SPTLC3: variants seen among roughly 807,000 people sequenced by gnomAD.
SPTLC3 encodes serine palmitoyltransferase 3.
SPTLC3 carries 36 observed loss-of-function variants against 59.3 expected under a neutral mutation model. That is an observed-to-expected ratio of 0.61 (90% CI 0.47 to 0.80). The LOEUF is 0.80. Among genes scored for constraint, SPTLC3 ranks in the 30% least tolerant of loss-of-function variants. The probability of loss-of-function intolerance (pLI) is 0.00; values close to 1 mark genes in which losing one functional copy is unlikely to be tolerated. For missense variants in SPTLC3, 625 were observed against 685.1 expected (o/e 0.91, Z 0.98); for synonymous variants, 257 against 240.8 (o/e 1.07, Z -0.62).
At chr20:13,044,857 C>T (rs967621504) in intron 1 of SPTLC3, among the ~76,000 whole-genome samples, 4 of 152,088 alleles carry the variant, frequency 2.6e-5, no homozygotes, top group African/African-American at 7.2e-5. Flanking sequence ...TTGTTATGCT[C>T]GACAACCCAG....
intron 9 of SPTLC3, among the ~76,000 whole-genome samples, chr20:13,132,287 G>T (rs2038138541): frequency 7.0e-6 from 1 of 142,396 alleles, no homozygotes; most frequent in African/African-American, 2.6e-5. Context: ...AGTGACTCTT[G>T]TGCCTCAGCC....
chr20:13,140,169 AGACATTAAG>A (rs2038347384), intron 9 of SPTLC3, among the ~76,000 whole-genome samples: 1 of 152,252 alleles, frequency 6.6e-6, no homozygotes, highest in African/African-American at 2.4e-5. Flanking sequence ...AGTAGCATAC[AGACATTAAG>A]GACTTTTTTT....
chr20:13,142,295 T>G (rs2038402376), intron 9 of SPTLC3, among the ~76,000 whole-genome samples: 1 of 152,240 alleles, frequency 6.6e-6, no homozygotes, highest in Non-Finnish European at 1.5e-5. Context: ...TGAGCCCTAC[T>G]GGAGCATCCT....
chr20:13,124,583 G>T (rs1227281502), intron 8 of SPTLC3, among the ~76,000 whole-genome samples: 1 of 152,040 alleles, frequency 6.6e-6, no homozygotes, highest in Admixed American at 6.6e-5. Context: ...GAAAGGGGGG[G>T]ATTCAGAATG....
chr20:13,140,865 G>T (rs771418750), intron 9 of SPTLC3, among the ~76,000 whole-genome samples: 10 of 152,118 alleles, frequency 6.6e-5, no homozygotes, highest in Non-Finnish European at 8.8e-5. Flanking sequence ...CACTTTGTGC[G>T]AATTATTTCA....
intron 9 of SPTLC3, among the ~76,000 whole-genome samples, chr20:13,146,207 T>C (rs1334347866): frequency 6.6e-6 from 1 of 152,082 alleles, no homozygotes; most frequent in African/African-American, 2.4e-5. Flanking sequence ...TTCTTACTTA[T>C]AGGTGGGAGG....
intron 6 of SPTLC3, among the ~76,000 whole-genome samples, chr20:13,107,702 C>T (rs1246922548): frequency 1.3e-5 from 2 of 151,976 alleles, no homozygotes; most frequent in African/African-American, 4.8e-5. Flanking sequence ...TTGATTAATT[C>T]CACATTTAAA....
At chr20:13,148,411 C>T (rs2038564817) in intron 9 of SPTLC3, among the ~76,000 whole-genome samples, 1 of 152,136 alleles carries the variant, frequency 6.6e-6, no homozygotes, top group African/African-American at 2.4e-5. Context: ...TTGATTTAAC[C>T]ACCCTCAGGG....
chr20:13,130,191 C>G (rs2122818468), intron 9 of SPTLC3, among the ~76,000 whole-genome samples: 1 of 152,312 alleles, frequency 6.6e-6, no homozygotes, highest in African/African-American at 2.4e-5. Flanking sequence ...ATCAAATGAG[C>G]AGGACAGGTT....
chr20:13,009,772 T>A (rs1985136900), intron 1 of SPTLC3, among the ~76,000 whole-genome samples: 1 of 152,172 alleles, frequency 6.6e-6, no homozygotes, highest in South Asian at 2.1e-4. Flanking sequence ...GAAGTGAAAG[T>A]ACATTTTGCT....
In SPTLC3 at chr20:13,041,651, T is replaced by C. The variant is rs146805559; in HGVS notation, c.118-7294T>C. Among the ~76,000 whole-genome samples the C allele has an allele frequency of 6.0e-3, 916 of 152,260 alleles. 9 individuals carry two copies. Among genetic ancestry groups the C allele is most frequent in the African/African-American group, 0.021 (861 of 41,524 alleles). On this transcript the variant is annotated intron_variant, in intron 1 of 11. Transcript: ENST00000399002. ...TTCTTATGTAGATCACATTTTTCTG[T>C]TTCTTTACATGACTCATATTTTTGG...
At chr20:13,025,354 C>T (rs1986091768) in intron 1 of SPTLC3, among the ~76,000 whole-genome samples, 2 of 152,248 alleles carry the variant, frequency 1.3e-5, no homozygotes, top group African/African-American at 4.8e-5. Context: ...AGCCTTATCA[C>T]CCTAGTAACC....
At chr20:13,059,659 C>T (rs1987872154) in intron 2 of SPTLC3, among the ~76,000 whole-genome samples, 1 of 152,150 alleles carries the variant, frequency 6.6e-6, no homozygotes. Flanking sequence ...ACCTTGGCTG[C>T]ACATTGTAGC....
intron 4 of SPTLC3, among the ~76,000 whole-genome samples, chr20:13,089,923 G>T (rs891195994): frequency 6.6e-5 from 10 of 151,802 alleles, no homozygotes; most frequent in African/African-American, 2.4e-4. Flanking sequence ...TAATTAATAT[G>T]AAATGTAATG....
At chr20:13,087,810 A>C (rs893667310) in intron 4 of SPTLC3, among the ~76,000 whole-genome samples, 3 of 152,244 alleles carry the variant, frequency 2.0e-5, no homozygotes, top group African/African-American at 7.2e-5. Flanking sequence ...AGTTCAACTT[A>C]ATAAGTGCTA....
chr20:13,117,036 T>A (rs1261407379), intron 7 of SPTLC3, among the ~76,000 whole-genome samples: 1 of 152,214 alleles, frequency 6.6e-6, no homozygotes, highest in East Asian at 1.9e-4. Context: ...TAAATAAAGT[T>A]CTGTGTCTTT....
chr20:13,016,899 T>C (rs1568564433), intron 1 of SPTLC3, among the ~76,000 whole-genome samples: 1 of 152,134 alleles, frequency 6.6e-6, no homozygotes, highest in Non-Finnish European at 1.5e-5. Context: ...AGCATTCCTA[T>C]GAGGTATTAT....
At chr20:13,146,563 ATAT>A (rs1251974923) in intron 9 of SPTLC3, among the ~76,000 whole-genome samples, 1 of 152,220 alleles carries the variant, frequency 6.6e-6, no homozygotes, top group Non-Finnish European at 1.5e-5. Context: ...ATGCAAAGTA[ATAT>A]TATATCTTAT....
Position 13,021,059 on chromosome 20 carries a change from C to T in SPTLC3, c.117+11675C>T, listed in dbSNP as rs570961821. Among the ~76,000 whole-genome samples the T allele has an allele frequency of 3.2e-4, 49 of 152,310 alleles. 2 individuals are homozygous for T. The highest frequency in any genetic ancestry group is 2.9e-3 in the Admixed American group (44 of 15,310). On this transcript the variant is annotated intron_variant, in intron 1 of 11. Coordinates refer to ENST00000399002, the MANE Select transcript of SPTLC3 (RefSeq NM_018327.4). ...ACAGCCATAAACCCTTGAAATCCTT[C>T]ATCCCATAATGACTTCTCAATCTTC...
Sources: gnomAD v4.1 joint callset for allele counts (sites outside exome capture counted in the v4.1 genomes callset) on GRCh38, gnomAD v4.1.1 for gene constraint, MANE v1.5 for transcripts, NCBI Gene and HGNC (gene_info 2026-07-23, HGNC 2026-07-21) for gene names.